PBX1: variants seen among roughly 807,000 people sequenced by gnomAD.
PBX1 encodes PBX homeobox 1.
A neutral mutation model predicts 53.4 loss-of-function variants in PBX1; 6 were observed. The observed-to-expected ratio is 0.11, with a 90% CI of 0.06 to 0.22. The LOEUF (loss-of-function observed/expected upper bound fraction) is 0.22. PBX1 is among the 10% of genes least tolerant of loss of function. PBX1 has a pLI of 1.00. For synonymous variants in PBX1, 204 were observed against 212.3 expected (o/e 0.96, Z 0.34); for missense variants, 251 against 551.4 (o/e 0.46, Z 5.46).
chr1:164,759,864 G>A lies in PBX1; in HGVS notation c.266-32630G>A, dbSNP rs536790046. On this transcript the variant is annotated intron_variant, in intron 2 of 8. Coordinates refer to ENST00000420696, the MANE Select transcript of PBX1 (RefSeq NM_002585.4). The stretch of plus-strand genomic sequence containing the variant: ...TATGGCCTGTGCTCCTGACTCCTTA[G>A]GAGGTTTTGGCCATGAGCTAATCAG... Among the ~76,000 whole-genome samples the A allele has an allele frequency of 2.6e-5, 4 of 152,270 alleles. No individual in the cohort carries two copies. The South Asian group carries it at 6.2e-4, about 24-fold the overall frequency.
chr1:164,663,208 TCCTGCCTTCCTGCCTTCCTG>T (rs1660601832), intron 2 of PBX1, among the ~76,000 whole-genome samples: 1 of 145,514 alleles, frequency 6.9e-6, no homozygotes. Flanking sequence ...CTGCCTTCCT[TCCTGCCTTCCTGCCTTCCTG>T]CCTTCCTTCC....
intron 2 of PBX1, among the ~76,000 whole-genome samples, chr1:164,616,362 G>T (rs1031339779): frequency 5.9e-5 from 9 of 152,210 alleles, no homozygotes; most frequent in African/African-American, 1.9e-4. Flanking sequence ...TGTGACGAGG[G>T]GTGGGAAGCT....
intron 2 of PBX1, among the ~76,000 whole-genome samples, chr1:164,594,654 G>A (rs1655635728): frequency 6.6e-6 from 1 of 151,914 alleles, no homozygotes; most frequent in South Asian, 2.1e-4. Flanking sequence ...GTTTAAAAAA[G>A]GTGAAATTAA....
At chr1:164,873,425 G>A (rs1672427776) in intron 2 of PBX1, among the ~76,000 whole-genome samples, 1 of 152,216 alleles carries the variant, frequency 6.6e-6, no homozygotes, top group Admixed American at 6.5e-5. Flanking sequence ...CCCTTACCAA[G>A]TAGTAAATAA....
rs1376986932 is a variant in PBX1 at position 164,663,224 on chromosome 1, TCCTG to T, written c.265+99917_265+99920del. ...TGCCTTCCTTCCTGCCTTCCTGCCTTCCTGCCTTCCTTCCTTCCTGCCTTCCTGC... is the reference window on the plus strand; with the variant it reads ...TGCCTTCCTTCCTGCCTTCCTGCCTTCCTTCCTTCCTTCCTGCCTTCCTGC... On this transcript the variant is annotated intron_variant, in intron 2 of 8. Transcript: ENST00000420696. 3.1e-3 allele frequency among the ~76,000 whole-genome samples: 404 copies of T among 128,754 alleles called. 2 individuals carry two copies. The highest frequency in any genetic ancestry group is 0.01 in the African/African-American group (363 of 36,276). 84.5% of individuals were successfully genotyped at this position (128,754 alleles called of 152,430 possible). A position where few individuals can be genotyped will look rare whatever the true frequency, so the allele number is the denominator to read the frequency against.
intron 2 of PBX1, among the ~76,000 whole-genome samples, chr1:164,761,055 T>C (rs141387094): frequency 2.9e-4 from 44 of 152,320 alleles, no homozygotes; most frequent in African/African-American, 1.0e-3. Context: ...TTGGTGTCTA[T>C]TTCTCATCAA....
chr1:164,764,419 A>G (rs1439074866), intron 2 of PBX1, among the ~76,000 whole-genome samples: 1 of 152,162 alleles, frequency 6.6e-6, no homozygotes, highest in Non-Finnish European at 1.5e-5. Context: ...GATTTTCCTT[A>G]GGTCACAAAT....
chr1:164,649,411 T>C (rs1571145974), intron 2 of PBX1, among the ~76,000 whole-genome samples: 1 of 152,190 alleles, frequency 6.6e-6, no homozygotes, highest in African/African-American at 2.4e-5. Flanking sequence ...AGAATACTTT[T>C]GTTGGGAGTC....
chr1:164,700,066 A>G (rs1663028472), intron 2 of PBX1, among the ~76,000 whole-genome samples: 1 of 152,162 alleles, frequency 6.6e-6, no homozygotes, highest in South Asian at 2.1e-4. Flanking sequence ...GGCGGGAGGT[A>G]ATGGGCTTTC....
chr1:164,784,434 C>A (rs760280203), intron 2 of PBX1, among the ~76,000 whole-genome samples: 2 of 152,220 alleles, frequency 1.3e-5, no homozygotes, highest in African/African-American at 2.4e-5. Flanking sequence ...TGAATGGGAT[C>A]CATGCCCATG....
At position 164,847,933 on chromosome 1, in the gene PBX1, G is replaced by A; in HGVS notation, c.*1257G>A. ...TGGAGCACTCAGGGAGCCCCATACA[G>A]TACTTACAATGTCTTTAATGGACTT... On this transcript the variant is annotated 3_prime_UTR_variant, in exon 9 of 9. Transcript: ENST00000420696. The A allele has an allele frequency of 9.5e-7, 1 of 1,053,372 alleles. No homozygotes were observed. The highest frequency in any genetic ancestry group is 4.6e-5 in the South Asian group (1 of 21,872). The allele number at this position is 1,053,372 out of a possible 1,614,324, so 65.3% of individuals were successfully genotyped here.
chr1:164,704,137 T>A (rs1663289754), intron 2 of PBX1, among the ~76,000 whole-genome samples: 1 of 152,080 alleles, frequency 6.6e-6, no homozygotes, highest in African/African-American at 2.4e-5. Context: ...AAAAGTAAAG[T>A]AGTCTTGCTT....
chr1:164,834,574 A>G (rs1670940947), intron 8 of PBX1, among the ~76,000 whole-genome samples: 1 of 151,862 alleles, frequency 6.6e-6, no homozygotes, highest in African/African-American at 2.4e-5. Flanking sequence ...CAAACTCTGG[A>G]CCTCAGGTGA....
At chr1:164,728,877 T>C (rs921007056) in intron 2 of PBX1, among the ~76,000 whole-genome samples, 3 of 152,244 alleles carry the variant, frequency 2.0e-5, no homozygotes, top group African/African-American at 7.2e-5. Flanking sequence ...GCTGTGTCTC[T>C]GCATGGGTGA....
intron 2 of PBX1, among the ~76,000 whole-genome samples, chr1:164,624,788 A>G (rs1056681390): frequency 6.6e-6 from 1 of 152,202 alleles, no homozygotes; most frequent in African/African-American, 2.4e-5. Flanking sequence ...TAACTCTCTT[A>G]TAGTGGTACT....
At chr1:164,560,047 G>A in intron 1 of PBX1, 34 bp downstream of exon 1, 2 of 1,314,492 alleles carry the variant, frequency 1.5e-6, no homozygotes, top group Non-Finnish European at 2.0e-6. Context: ...CTTTCTTGGG[G>A]TTTTTTGTTT....
At chr1:164,778,076 G>A (rs542236773) in intron 2 of PBX1, among the ~76,000 whole-genome samples, 1 of 152,208 alleles carries the variant, frequency 6.6e-6, no homozygotes, top group South Asian at 2.1e-4. Flanking sequence ...TAGGGAGGTG[G>A]CCCCATAATT....
chr1:164,772,024 TC>T (rs1230168602), intron 2 of PBX1, among the ~76,000 whole-genome samples: 2 of 152,104 alleles, frequency 1.3e-5, no homozygotes, highest in African/African-American at 4.8e-5. Context: ...GGGAAAAAAA[TC>T]CTGCCCCAAG....
At chr1:164,663,590 A>G (rs575766702) in intron 2 of PBX1, among the ~76,000 whole-genome samples, 1 of 152,228 alleles carries the variant, frequency 6.6e-6, no homozygotes, top group South Asian at 2.1e-4. Flanking sequence ...TATATCAAAG[A>G]TACTTATATT....
Sources: allele counts gnomAD v4.1 joint callset (sites outside exome capture counted in the v4.1 genomes callset), GRCh38; gene constraint gnomAD v4.1.1; transcripts MANE v1.5; gene names NCBI Gene and HGNC (gene_info 2026-07-23, HGNC 2026-07-21).